NUP214: variants seen among roughly 807,000 people sequenced by gnomAD.
NUP214 encodes the protein nuclear pore complex protein Nup214.
NUP214 carries 79 observed loss-of-function variants against 196.2 expected under a neutral mutation model. The ratio of observed to expected loss-of-function variants is 0.40; its 90% CI spans 0.34 to 0.49. The LOEUF (loss-of-function observed/expected upper bound fraction) is 0.49. NUP214 is among the 20% of genes least tolerant of loss of function. The pLI, the probability that NUP214 is intolerant of heterozygous loss-of-function variation, is 0.58. For synonymous variants in NUP214, 1,020 were observed against 990.5 expected (o/e 1.03, Z -0.56); for missense variants, 2,468 against 2,539.0 (o/e 0.97, Z 0.60).
At chr9:131,184,809 A>G (rs1001647720) in intron 24 of NUP214, among the ~76,000 whole-genome samples, 2 of 152,210 alleles carry the variant, frequency 1.3e-5, no homozygotes, top group Non-Finnish European at 2.9e-5. Context: ...CCAATGGAGA[A>G]AATAGTTGGC....
Position 131,159,458 on chromosome 9 carries a change from C to A in NUP214, c.2512C>A (p.Gln838Lys). 6.2e-7 allele frequency: 1 copy of A among 1,613,802 alleles called. No individual in the cohort carries two copies. The highest frequency in any genetic ancestry group is 1.3e-5 in the African/African-American group (1 of 74,972). ...TGATGTTCTAGACTTGGAGTGGGATCAGCATCTGGAACAAAAGAAAAAACA... is the reference window on the plus strand; with the variant it reads ...TGATGTTCTAGACTTGGAGTGGGATAAGCATCTGGAACAAAAGAAAAAACA... ...VNDVLDLEWD[Q>K]HLEQKKKQRH... The change falls in exon 18 of 36, where the codon CAG becomes AAG. Residue 838 changes from glutamine to lysine, a missense_variant. Around this residue, in one of 5 missense-constraint regions of NUP214, gnomAD observed 1,801 missense variants for 1,779.4 expected, o/e 1.01. Transcript: ENST00000359428.
chr9:131,227,523 G>A (rs1834755111), intron 32 of NUP214, among the ~76,000 whole-genome samples: 1 of 151,706 alleles, frequency 6.6e-6, no homozygotes, highest in Non-Finnish European at 1.5e-5. Context: ...GAGAAAGGGA[G>A]ACTCTGATGA....
intron 18 of NUP214, among the ~76,000 whole-genome samples, chr9:131,159,815 C>T (rs1338789518): frequency 6.6e-6 from 1 of 151,758 alleles, no homozygotes; most frequent in Non-Finnish European, 1.5e-5. Context: ...TGAGATCGTG[C>T]CACTGCCCTC....
chr9:131,194,574 C>T (rs942529686), intron 27 of NUP214, among the ~76,000 whole-genome samples: 2 of 151,992 alleles, frequency 1.3e-5, no homozygotes, highest in South Asian at 2.1e-4. Flanking sequence ...TTCACACTCG[C>T]GTGGGATTTT....
rs1834945948 is a variant in NUP214, at chr9:131,233,906, T to G, written c.*419T>G. The G allele has an allele frequency of 2.4e-5, 7 of 286,018 alleles. No homozygotes were observed. Among genetic ancestry groups the G allele is most frequent in the Non-Finnish European group, 4.0e-5 (6 of 149,050 alleles). The allele number at this position is 286,018 out of a possible 1,614,324, so 17.7% of individuals were successfully genotyped here. On this transcript the variant is annotated 3_prime_UTR_variant, in exon 36 of 36. Coordinates refer to ENST00000359428, the MANE Select transcript of NUP214 (RefSeq NM_005085.4). ...TAGCGCCCTCCACATAGGGAAGAGG[T>G]TGAATGCTGGTGGGTCATCTTTTTG...
At chr9:131,222,594 C>A in intron 31 of NUP214, 184 bp from the exon 32 acceptor site, 1 of 551,470 alleles carries the variant, frequency 1.8e-6, no homozygotes, top group Non-Finnish European at 3.0e-6. Flanking sequence ...AAAAACTTCC[C>A]AGCAAGGTGC....
intron 32 of NUP214, 148 bp downstream of exon 32, chr9:131,223,078 A>G: frequency 1.6e-6 from 1 of 640,866 alleles, no homozygotes. Flanking sequence ...TTATTTTTAT[A>G]TTTACTGAGC....
chr9:131,163,817 C>A, intron 19 of NUP214, 53 bp from the exon 20 acceptor site: 1 of 1,351,336 alleles, frequency 7.4e-7, no homozygotes, highest in South Asian at 1.2e-5. Flanking sequence ...CCCCCGACAG[C>A]CTCCGATCTT....
In NUP214 at chr9:131,187,225, A is replaced by G. The variant is rs1400166229; in HGVS notation, c.3420-64A>G. 2.8e-6 allele frequency: 4 copies of G among 1,421,070 alleles called. No individual in the cohort carries two copies. In the Admixed American group the frequency reaches 6.7e-5, roughly 24 times the overall value. The allele number at this position is 1,421,070 out of a possible 1,614,324, so 88.0% of individuals were successfully genotyped here. On this transcript the variant is annotated intron_variant, in intron 24 of 35. Transcript: ENST00000359428. ...GTATATTGGACAGAAGGTTGGCTTGAGAATGAATGTGATTTTTACCTAGTC... is the reference window on the plus strand; with the variant it reads ...GTATATTGGACAGAAGGTTGGCTTGGGAATGAATGTGATTTTTACCTAGTC...
intron 23 of NUP214, among the ~76,000 whole-genome samples, chr9:131,177,335 T>C (rs142158604): frequency 1.4e-4 from 22 of 152,328 alleles, no homozygotes; most frequent in African/African-American, 5.3e-4. Flanking sequence ...TTGGACCAGG[T>C]AGAATCTTGC....
intron 30 of NUP214, among the ~76,000 whole-genome samples, chr9:131,203,983 G>C (rs984546663): frequency 1.3e-5 from 2 of 152,202 alleles, no homozygotes; most frequent in African/African-American, 4.8e-5. Flanking sequence ...CTCAGCCCCT[G>C]ACTAGACTGA....
intron 9 of NUP214, among the ~76,000 whole-genome samples, chr9:131,138,212 C>T (rs1197255327): frequency 6.6e-6 from 1 of 151,074 alleles, no homozygotes; most frequent in Non-Finnish European, 1.5e-5. Context: ...CCCTCCACTC[C>T]CCTCTCCTCC....
At chr9:131,200,037 G>A (rs919349112) in intron 29 of NUP214, among the ~76,000 whole-genome samples, 3 of 152,150 alleles carry the variant, frequency 2.0e-5, no homozygotes, top group African/African-American at 7.2e-5. Context: ...GCAAGGAGAA[G>A]GCCCTATGAG....
At position 131,213,800 on chromosome 9, in the gene NUP214, A is replaced by AG. The variant is rs1318641918; in HGVS notation, c.5593-1407dup. Among the ~76,000 whole-genome samples, 31 of 8,556 alleles carry AG rather than the reference A, an allele frequency of 3.6e-3. 2 individuals are homozygous for AG. The highest frequency in any genetic ancestry group is 0.067 in the East Asian group (2 of 30). The allele number at this position is 8,556 out of a possible 152,430, so 5.6% of individuals were successfully genotyped here. A position where few individuals can be genotyped will look rare whatever the true frequency, so the allele number is the denominator to read the frequency against. Reference sequence around the variant, plus strand: ...TTGTTGTTGTTGTTAAGAAATTTAAAGGGGGAAAAAAAAGAGACTAGGAAG... The same window carrying AG: ...TTGTTGTTGTTGTTAAGAAATTTAAAGGGGGGAAAAAAAAGAGACTAGGAAG... On this transcript the variant is annotated intron_variant, in intron 30 of 35. Coordinates refer to ENST00000359428, the MANE Select transcript of NUP214 (RefSeq NM_005085.4).
chr9:131,197,354 A>G lies in NUP214; in HGVS notation c.3860A>G (p.Glu1287Gly). Residue 1287 changes from glutamate (E) to glycine (G), a missense_variant, in exon 29 of 36, where the codon GAA (glutamate) becomes GGA (glycine). Around this residue, in one of 5 missense-constraint regions of NUP214, gnomAD observed 1,801 missense variants for 1,779.4 expected, o/e 1.01. Transcript: ENST00000359428. ...ITSASNTTPG[E>G]PAASSSRPVA... is the part of the protein sequence containing the mutation. Reference sequence around the variant, plus strand: ...TCCGCATCAAACACCACCCCAGGAGAACCTGCCGCATCTAGCAGCAGACCT... The same window carrying G: ...TCCGCATCAAACACCACCCCAGGAGGACCTGCCGCATCTAGCAGCAGACCT... The G allele has an allele frequency of 6.2e-7, 1 of 1,614,098 alleles. No individual in the cohort carries two copies. The highest frequency in any genetic ancestry group is 8.5e-7 in the Non-Finnish European group (1 of 1,180,020).
chr9:131,129,210 T>C, intron 3 of NUP214, 69 bp from the exon 4 acceptor site: 1 of 1,291,588 alleles, frequency 7.7e-7, no homozygotes, highest in South Asian at 1.2e-5. Context: ...GTAATTTCCA[T>C]TGAATATTAA....
chr9:131,135,883 T>A, intron 8 of NUP214, 57 bp from the exon 9 acceptor site: 1 of 1,432,600 alleles, frequency 7.0e-7, no homozygotes, highest in Non-Finnish European at 9.8e-7. Flanking sequence ...CAGACCCAGG[T>A]TAGCTTAGAA....
intron 33 of NUP214, 135 bp from the exon 34 acceptor site, chr9:131,230,495 C>T: frequency 9.9e-7 from 1 of 1,006,046 alleles, no homozygotes. Flanking sequence ...TGAAAGGCTG[C>T]TAGTTAGGCC....
At chr9:131,190,170 G>T in intron 26 of NUP214, 1 of 341,124 alleles carries the variant, frequency 2.9e-6, no homozygotes, top group East Asian at 4.5e-5. Flanking sequence ...ACATGAGAAG[G>T]AGGTATCTAG....
Sources: gnomAD v4.1 joint callset for allele counts (sites outside exome capture counted in the v4.1 genomes callset) on GRCh38, gnomAD v4.1.1 for gene constraint, gnomAD v4.1.1 regional missense constraint, MANE v1.5 for transcripts, NCBI Gene and HGNC (gene_info 2026-07-23, HGNC 2026-07-21) for gene names.